The following CNOT1 variants were observed in gnomAD, a reference collection of about 807,000 sequenced individuals.
The protein encoded by CNOT1 is CCR4-NOT transcription complex subunit 1.
Under a neutral mutation model 273.8 loss-of-function variants are expected in CNOT1, and 15 were observed. The ratio of observed to expected loss-of-function variants is 0.05; its 90% confidence interval spans 0.04 to 0.08. The LOEUF is 0.08. CNOT1 is among the 10% of genes least tolerant of loss of function. CNOT1 has a pLI of 1.00. For synonymous variants in CNOT1, 1,022 were observed against 1,005.5 expected, an observed-to-expected ratio of 1.02 and a Z score of -0.31; for missense variants, 1,644 against 2,912.2, an observed-to-expected ratio of 0.56 and a Z score of 10.02.
At chr16:58,580,303 T>TTA (rs1555499130) in intron 12 of CNOT1, among the ~76,000 whole-genome samples, 1 of 137,826 alleles carries the variant, frequency 7.3e-6, no homozygotes, top group African/African-American at 2.7e-5. Context: ...AACTTACAAA[T>TTA]AAAAAAAAAA....
chr16:58,590,816 C>T (rs2042027571), intron 2 of CNOT1, among the ~76,000 whole-genome samples: 1 of 152,132 alleles, frequency 6.6e-6, no homozygotes, highest in South Asian at 2.1e-4. Context: ...TCCAATTAAC[C>T]AGATCTCTCA....
chr16:58,574,779 T>G lies in CNOT1; in HGVS notation c.1828-19A>C. On this transcript the variant is annotated intron_variant, in intron 15 of 48. Coordinates refer to ENST00000317147, the MANE Select transcript of CNOT1 (RefSeq NM_016284.5). Reference sequence around the variant, plus strand: ...AAGGCTCCTGAAGAATAGAAAAGTCTCTCAGTGTATTTAAAATTGATCTTA... The same window carrying G: ...AAGGCTCCTGAAGAATAGAAAAGTCGCTCAGTGTATTTAAAATTGATCTTA... The G allele has an allele frequency of 6.3e-7, 1 of 1,585,238 alleles. No individual in the cohort carries two copies. The highest frequency in any genetic ancestry group is 8.5e-7 in the Non-Finnish European group (1 of 1,173,808).
At chr16:58,551,344 T>C in intron 23 of CNOT1, 72 bp from the exon 24 acceptor site, 3 of 1,441,342 alleles carry the variant, frequency 2.1e-6, no homozygotes, top group African/African-American at 1.4e-5. Flanking sequence ...CAATAATGTA[T>C]ACAGATTTAG....
intron 1 of CNOT1, chr16:58,624,854 C>A (rs932201715): frequency 2.0e-5 from 3 of 152,106 alleles, no homozygotes; most frequent in Non-Finnish European, 4.4e-5. Context: ...TAAGTCTACA[C>A]CTCTAATTAC....
intron 13 of CNOT1, among the ~76,000 whole-genome samples, chr16:58,577,970 CTG>C (rs2041519004): frequency 6.6e-6 from 1 of 151,874 alleles, no homozygotes; most frequent in South Asian, 2.1e-4. Context: ...TCAGCACAAA[CTG>C]AAATAAAATG....
Position 58,578,947 on chromosome 16 carries a change from G to T in CNOT1, c.1344-8C>A. On this transcript the variant is annotated splice_polypyrimidine_tract_variant and splice_region_variant and intron_variant, in intron 12 of 48. Coordinates refer to ENST00000317147, the MANE Select transcript of CNOT1 (RefSeq NM_016284.5). ...ATCAAATCCAAGCTCTTCCTAACGA[G>T]AAAGGAAGAAACATGCTTTATCAAT... The T allele has an allele frequency of 6.2e-7, 1 of 1,611,718 alleles. No homozygotes were observed. The highest frequency in any genetic ancestry group is 1.3e-5 in the African/African-American group (1 of 75,014).
At chr16:58,583,871 A>G (rs947986915) in intron 8 of CNOT1, among the ~76,000 whole-genome samples, 1 of 151,844 alleles carries the variant, frequency 6.6e-6, no homozygotes, top group Non-Finnish European at 1.5e-5. Flanking sequence ...AAACAATTTT[A>G]AAAAATCAGT....
intron 16 of CNOT1, among the ~76,000 whole-genome samples, chr16:58,563,772 G>A (rs1377829418): frequency 6.6e-6 from 1 of 152,154 alleles, no homozygotes; most frequent in African/African-American, 2.4e-5. Context: ...CAATAACACT[G>A]CTGGTTTTAC....
At chr16:58,542,377 C>T (rs1050528356) in intron 32 of CNOT1, 42 bp from the exon 33 acceptor site, 2 of 1,613,398 alleles carry the variant, frequency 1.2e-6, no homozygotes, top group Admixed American at 3.3e-5. Context: ...TTATAAGGCA[C>T]TTCCCTAAAT....
Position 58,546,171 on chromosome 16 carries a change from GC to G in CNOT1, c.4006+149del, listed in dbSNP as rs1469902292. On this transcript the variant is annotated intron_variant, in intron 29 of 48. Coordinates refer to ENST00000317147, the MANE Select transcript of CNOT1 (RefSeq NM_016284.5). ...AACACAAGGCCTAGTCATTACTTCT[GC>G]TTGATAATTAGAAGGCTCACCAAAA... 3 of 657,142 alleles carry G rather than the reference GC, an allele frequency of 4.6e-6. No individual in the cohort carries two copies. The Admixed American group carries it at 8.9e-5, about 19-fold the overall frequency. The allele number at this position is 657,142 out of a possible 1,614,324, so 40.7% of individuals were successfully genotyped here. A position where few individuals can be genotyped will look rare whatever the true frequency, so the allele number is the denominator to read the frequency against.
At chr16:58,551,885 T>TAGAA in intron 22 of CNOT1, 66 bp from the exon 23 acceptor site, 1 of 1,580,156 alleles carries the variant, frequency 6.3e-7, no homozygotes, top group Non-Finnish European at 8.6e-7. Context: ...ACGTCCCTCT[T>TAGAA]TTCTGAGAGG....
At chr16:58,549,673 C>T in intron 25 of CNOT1, 46 bp downstream of exon 25, 4 of 1,541,606 alleles carry the variant, frequency 2.6e-6, no homozygotes, top group Non-Finnish European at 3.5e-6. Flanking sequence ...CAAATATTTC[C>T]AAATTCAAAG....
intron 2 of CNOT1, among the ~76,000 whole-genome samples, chr16:58,591,781 G>A (rs1455278346): frequency 6.6e-6 from 1 of 151,816 alleles, no homozygotes; most frequent in African/African-American, 2.4e-5. Context: ...TTAACTATGG[G>A]ATACTCCATT....
At chr16:58,522,136 G>A (rs2039406558) in intron 47 of CNOT1, among the ~76,000 whole-genome samples, 2 of 150,422 alleles carry the variant, frequency 1.3e-5, no homozygotes, top group Admixed American at 1.3e-4. Context: ...TGGCCAAGAT[G>A]GTGAAACCCC....
intron 2 of CNOT1, among the ~76,000 whole-genome samples, chr16:58,596,659 G>A (rs548493690): frequency 3.3e-5 from 5 of 151,950 alleles, no homozygotes; most frequent in Admixed American, 6.5e-5. Flanking sequence ...AGGCCAAGGC[G>A]GGCGGATCAC....
intron 47 of CNOT1, among the ~76,000 whole-genome samples, chr16:58,521,844 C>T (rs532420790): frequency 1.3e-3 from 195 of 151,788 alleles, no homozygotes; most frequent in Admixed American, 3.5e-3. Flanking sequence ...TCCCAGCAGT[C>T]GGACGCTGAG....
At chr16:58,580,509 A>G in intron 12 of CNOT1, 124 bp downstream of exon 12, 1 of 1,386,808 alleles carries the variant, frequency 7.2e-7, no homozygotes, top group Non-Finnish European at 9.4e-7. Flanking sequence ...ACTTAAGATA[A>G]GTAAGGTCAC....
chr16:58,551,057 A>T (rs1267735467), intron 24 of CNOT1, 75 bp downstream of exon 24: 13 of 1,566,352 alleles, frequency 8.3e-6, no homozygotes, highest in Non-Finnish European at 1.0e-5. Flanking sequence ...GTGAGTATGT[A>T]AAAGGGCCAA....
Position 58,585,419 on chromosome 16 carries a change from T to G in CNOT1, c.725A>C (p.Asp242Ala). 6.2e-7 allele frequency: 1 copy of G among 1,613,882 alleles called. No homozygotes were observed. The highest frequency in any genetic ancestry group is 8.5e-7 in the Non-Finnish European group (1 of 1,180,006). ...RDILMDRILPDSGGVAKTMME... is the reference protein window; with the variant it reads ...RDILMDRILPASGGVAKTMME... Reference sequence around the variant, plus strand: ...CATGGTTTTAGCTACCCCTCCGGAATCAGGCAGGATCCTGTCCATTAGAAT... The same window carrying G: ...CATGGTTTTAGCTACCCCTCCGGAAGCAGGCAGGATCCTGTCCATTAGAAT... The change falls in exon 8 of 49, where the codon GAT becomes GCT. Residue 242 changes from aspartate (D) to alanine (A), a missense_variant. Coordinates refer to ENST00000317147, the MANE Select transcript of CNOT1 (RefSeq NM_016284.5).
Sources: allele counts gnomAD v4.1 joint callset (sites outside exome capture counted in the v4.1 genomes callset), GRCh38; gene constraint gnomAD v4.1.1; transcripts MANE v1.5; gene names NCBI Gene and HGNC (gene_info 2026-07-23, HGNC 2026-07-21).